Variants in WASF3 observed in about 807,000 individuals in gnomAD.
WASF3 encodes the protein actin-binding protein WASF3.
In WASF3, 11 loss-of-function variants were observed where a neutral mutation model predicts 46.6. The ratio of observed to expected loss-of-function variants is 0.24; its 90% CI spans 0.15 to 0.39. The LOEUF is 0.39. Ranked by LOEUF, WASF3 falls within the 10% of genes least tolerant of loss-of-function variation. The pLI is 1.00. For missense variants in WASF3, 576 were observed against 669.8 expected (o/e 0.86, Z 1.55); for synonymous variants, 242 against 259.7 (o/e 0.93, Z 0.65).
intron 1 of WASF3, among the ~76,000 whole-genome samples, chr13:26,598,183 T>C (rs1880533110): frequency 1.3e-5 from 2 of 152,230 alleles, no homozygotes; most frequent in South Asian, 4.1e-4. Flanking sequence ...TGGTATCTCA[T>C]TGTGGTTTTG....
intron 3 of WASF3, among the ~76,000 whole-genome samples, chr13:26,643,367 T>C (rs1475564252): frequency 6.6e-6 from 1 of 152,146 alleles, no homozygotes; most frequent in Non-Finnish European, 1.5e-5. Flanking sequence ...ACTACTTTTA[T>C]TTATCTTGAA....
the WASF3 span, among the ~76,000 whole-genome samples, chr13:26,541,092 G>A: frequency 6.6e-6 from 1 of 152,070 alleles, no homozygotes; most frequent in African/African-American, 2.4e-5. Context: ...AATAAGTATT[G>A]CTTTTTTAAA....
intron 1 of WASF3, among the ~76,000 whole-genome samples, chr13:26,598,633 T>C (rs1464431724): frequency 3.3e-5 from 5 of 152,176 alleles, no homozygotes; most frequent in Admixed American, 6.5e-5. Flanking sequence ...ATTCACATAG[T>C]TTGAGAGTGG....
intron 4 of WASF3, among the ~76,000 whole-genome samples, chr13:26,667,195 A>G (rs1006147090): frequency 1.3e-5 from 2 of 152,198 alleles, no homozygotes; most frequent in African/African-American, 4.8e-5. Context: ...GTGCATTTAC[A>G]TGCCTGTTAC....
intron 3 of WASF3, among the ~76,000 whole-genome samples, chr13:26,651,073 A>T (rs1882301338): frequency 6.6e-6 from 1 of 152,180 alleles, no homozygotes; most frequent in South Asian, 2.1e-4. Context: ...TCATAATAAA[A>T]TTGCTAAGGA....
the WASF3 span, among the ~76,000 whole-genome samples, chr13:26,548,504 C>A: frequency 6.6e-6 from 1 of 152,168 alleles, no homozygotes. Context: ...TCCTCTCCAA[C>A]GCACTATTCA....
intron 3 of WASF3, among the ~76,000 whole-genome samples, chr13:26,663,501 C>T (rs1882690449): frequency 6.6e-6 from 1 of 152,158 alleles, no homozygotes; most frequent in Non-Finnish European, 1.5e-5. Context: ...GAAGACCATG[C>T]TGTGGATATT....
At chr13:26,633,042 G>A (rs1218344689) in intron 2 of WASF3, among the ~76,000 whole-genome samples, 1 of 151,810 alleles carries the variant, frequency 6.6e-6, no homozygotes, top group Admixed American at 6.6e-5. Flanking sequence ...TTTTTATTGT[G>A]TCTATTTGAT....
chr13:26,680,020 T>A (rs768519448), intron 7 of WASF3: 1 of 1,593,600 alleles, frequency 6.3e-7, no homozygotes, highest in Non-Finnish European at 8.5e-7. Context: ...AATGTGTGTT[T>A]GGTATTTCCT....
At chr13:26,628,514 A>G (rs1174314074) in intron 2 of WASF3, among the ~76,000 whole-genome samples, 1 of 152,186 alleles carries the variant, frequency 6.6e-6, no homozygotes, top group Non-Finnish European at 1.5e-5. Flanking sequence ...GGAGATGCCA[A>G]GGTAGGATTA....
intron 4 of WASF3, among the ~76,000 whole-genome samples, chr13:26,666,519 GA>G (rs1882775101): frequency 6.6e-6 from 1 of 152,116 alleles, no homozygotes; most frequent in Non-Finnish European, 1.5e-5. Context: ...GGAGTTTTTG[GA>G]ATCTTAACAT....
intron 1 of WASF3, among the ~76,000 whole-genome samples, chr13:26,598,182 A>G (rs1258547639): frequency 3.3e-5 from 5 of 152,118 alleles, no homozygotes; most frequent in Non-Finnish European, 5.9e-5. Context: ...ATGGTATCTC[A>G]TTGTGGTTTT....
At chr13:26,669,066 CT>C (rs1346198633) in intron 5 of WASF3, among the ~76,000 whole-genome samples, 1 of 152,062 alleles carries the variant, frequency 6.6e-6, no homozygotes, top group Non-Finnish European at 1.5e-5. Context: ...CAATGAACCA[CT>C]ACATTGATTA....
chr13:26,554,034 T>C (rs1462614116), upstream of WASF3, among the ~76,000 whole-genome samples: 4 of 56,298 alleles, frequency 7.1e-5, no homozygotes, highest in Non-Finnish European at 1.3e-4. Flanking sequence ...TCCTTCTTTC[T>C]CTTTCTTTCC....
the WASF3 span, among the ~76,000 whole-genome samples, chr13:26,540,266 C>T: frequency 1.3e-5 from 2 of 152,208 alleles, no homozygotes; most frequent in Non-Finnish European, 2.9e-5. Context: ...TCATCCCCCT[C>T]TCCCAAGGCA....
At chr13:26,660,863 T>C (rs1007384930) in intron 3 of WASF3, among the ~76,000 whole-genome samples, 1 of 152,114 alleles carries the variant, frequency 6.6e-6, no homozygotes, top group African/African-American at 2.4e-5. Flanking sequence ...ACAAGAAGCA[T>C]AGCACGAGCA....
chr13:26,622,662 C>G (rs991541124), intron 2 of WASF3: 1 of 152,084 alleles, frequency 6.6e-6, no homozygotes, highest in Non-Finnish European at 1.5e-5. Flanking sequence ...GTAATCCCAG[C>G]TACTCGGGAA....
chr13:26,670,572 AGGTACT>A (rs1882902035), intron 5 of WASF3, among the ~76,000 whole-genome samples: 1 of 152,214 alleles, frequency 6.6e-6, no homozygotes, highest in African/African-American at 2.4e-5. Context: ...GCCTTCATGA[AGGTACT>A]GGCTCCATTT....
chr13:26,623,999 G>C (rs1467124110), intron 2 of WASF3, among the ~76,000 whole-genome samples: 1 of 152,206 alleles, frequency 6.6e-6, no homozygotes, highest in Non-Finnish European at 1.5e-5. Flanking sequence ...CTTGCTAGAA[G>C]AACATGTGAA....
Sources: gnomAD v4.1 joint callset for allele counts (sites outside exome capture counted in the v4.1 genomes callset) on GRCh38, gnomAD v4.1.1 for gene constraint, MANE v1.5 for transcripts, NCBI Gene and HGNC (gene_info 2026-07-23, HGNC 2026-07-21) for gene names.